DCDC2C: variants seen among roughly 807,000 people sequenced by gnomAD.
DCDC2C encodes the protein doublecortin domain-containing protein 2C.
In DCDC2C, 44 loss-of-function variants were observed where a neutral mutation model predicts 45.0. The ratio of observed to expected loss-of-function variants is 0.98; its 90% CI spans 0.77 to 1.26. The LOEUF (loss-of-function observed/expected upper bound fraction) is 1.26, where lower values mean the gene tolerates loss of function less well. DCDC2C is among the 50% of genes most tolerant of loss of function. The probability of loss-of-function intolerance (pLI) is 0.00; values close to 1 mark genes in which losing one functional copy is unlikely to be tolerated. For synonymous variants in DCDC2C, 187 were observed against 178.8 expected (o/e 1.05, Z -0.37); for missense variants, 447 against 468.9 (o/e 0.95, Z 0.43).
intron 3 of DCDC2C, among the ~76,000 whole-genome samples, chr2:3,733,897 T>C (rs1668946444): frequency 6.6e-6 from 1 of 152,352 alleles, no homozygotes; most frequent in Admixed American, 6.5e-5. Flanking sequence ...GAGCCAGGGC[T>C]GTGGTCCCAA....
At chr2:3,834,895 C>T (rs1003123410) in intron 10 of DCDC2C, among the ~76,000 whole-genome samples, 3 of 152,136 alleles carry the variant, frequency 2.0e-5, no homozygotes, top group Non-Finnish European at 2.9e-5. Context: ...TGCTGAGCAT[C>T]GTATTCATAT....
intron 10 of DCDC2C, among the ~76,000 whole-genome samples, chr2:3,794,577 C>T (rs1291924584): frequency 6.6e-6 from 1 of 151,894 alleles, no homozygotes; most frequent in African/African-American, 2.4e-5. Flanking sequence ...CATGTGTTCT[C>T]ATTGCTCAAT....
At chr2:3,814,654 G>C (rs1301630197) in intron 10 of DCDC2C, among the ~76,000 whole-genome samples, 1 of 152,246 alleles carries the variant, frequency 6.6e-6, no homozygotes, top group Admixed American at 6.5e-5. Flanking sequence ...AGAACTACCA[G>C]AAGGAAATGC....
At chr2:3,724,633 T>G (rs959276108) in intron 2 of DCDC2C, among the ~76,000 whole-genome samples, 2 of 152,140 alleles carry the variant, frequency 1.3e-5, no homozygotes, top group Non-Finnish European at 2.9e-5. Context: ...TCCTGTAACA[T>G]TAATAGGTTA....
intron 10 of DCDC2C, among the ~76,000 whole-genome samples, chr2:3,846,258 C>G (rs1485390312): frequency 2.6e-5 from 4 of 151,666 alleles, no homozygotes; most frequent in African/African-American, 9.7e-5. Flanking sequence ...TCCCCCACTC[C>G]CTTCTTCTCC....
chr2:3,769,264 A>G (rs1451935539), intron 7 of DCDC2C, 47 bp from the exon 8 acceptor site: 1 of 1,522,364 alleles, frequency 6.6e-7, no homozygotes, highest in East Asian at 2.5e-5. Flanking sequence ...AGTGGACTCC[A>G]GCTTCTCCAT....
intron 6 of DCDC2C, among the ~76,000 whole-genome samples, chr2:3,762,295 G>A (rs948551141): frequency 1.3e-5 from 2 of 152,144 alleles, no homozygotes; most frequent in Admixed American, 6.5e-5. Flanking sequence ...GGCTGTGTAA[G>A]TGGAAAACCA....
intron 10 of DCDC2C, among the ~76,000 whole-genome samples, chr2:3,813,848 G>T (rs1671485842): frequency 6.7e-6 from 1 of 150,216 alleles, no homozygotes; most frequent in Non-Finnish European, 1.5e-5. Flanking sequence ...ACATGCTGAT[G>T]AGTCTTGACT....
At chr2:3,733,560 G>A (rs1260323258) in intron 3 of DCDC2C, among the ~76,000 whole-genome samples, 1 of 152,174 alleles carries the variant, frequency 6.6e-6, no homozygotes, top group African/African-American at 2.4e-5. Context: ...TTTGCCCACA[G>A]TTCTGGAGGC....
In DCDC2C at chr2:3,778,808, C is replaced by T. The variant is rs1572610541; in HGVS notation, c.955-8C>T. The T allele has an allele frequency of 1.3e-6, 2 of 1,550,432 alleles. 1 individual carries two copies. The highest frequency in any genetic ancestry group is 3.3e-4 in the Middle Eastern group (2 of 5,996). On this transcript the variant is annotated splice_polypyrimidine_tract_variant and splice_region_variant and intron_variant, in intron 8 of 10. Coordinates refer to ENST00000399143, the MANE Select transcript of DCDC2C (RefSeq NM_001287444.2). ...TAGTTGATAAAATGTGGTGTATTTTCTCCCCAGAGACAAGCTGAGATAGTT... is the reference window on the plus strand; with the variant it reads ...TAGTTGATAAAATGTGGTGTATTTTTTCCCCAGAGACAAGCTGAGATAGTT...
At chr2:3,792,145 G>A (rs750813067) in intron 10 of DCDC2C, among the ~76,000 whole-genome samples, 2 of 152,214 alleles carry the variant, frequency 1.3e-5, no homozygotes, top group Non-Finnish European at 2.9e-5. Context: ...AATTAAAAGT[G>A]TCAGTGTAGG....
At chr2:3,725,543 GAGGAGGCTGCCCGGTGGATCCCAGAGGA>G (rs1223669587) in intron 2 of DCDC2C, among the ~76,000 whole-genome samples, 65 of 136,766 alleles carry the variant, frequency 4.8e-4, no homozygotes, top group South Asian at 1.4e-3. Flanking sequence ...AGCAGAGAGG[GAGGAGGCTGCCCGGTGGATCCCAGAGGA>G]AGACGAGCAG....
At chr2:3,764,532 G>C (rs1177092297) in intron 6 of DCDC2C, among the ~76,000 whole-genome samples, 1 of 152,230 alleles carries the variant, frequency 6.6e-6, no homozygotes, top group African/African-American at 2.4e-5. Context: ...GCATTAGCTG[G>C]AAAGGACAGG....
chr2:3,840,911 C>G (rs1213464147), intron 10 of DCDC2C, among the ~76,000 whole-genome samples: 1 of 152,166 alleles, frequency 6.6e-6, no homozygotes, highest in Non-Finnish European at 1.5e-5. Flanking sequence ...GGCAGCCTTC[C>G]CCATGTGCTC....
chr2:3,827,054 C>G (rs1391170427), intron 10 of DCDC2C, among the ~76,000 whole-genome samples: 1 of 152,090 alleles, frequency 6.6e-6, no homozygotes, highest in Admixed American at 6.6e-5. Context: ...GGAGTCTTGA[C>G]CAAAGGAGAG....
chr2:3,773,504 C>G (rs1263478697), intron 8 of DCDC2C, among the ~76,000 whole-genome samples: 2 of 152,178 alleles, frequency 1.3e-5, no homozygotes, highest in Non-Finnish European at 2.9e-5. Flanking sequence ...AGTCTCGAAT[C>G]ATTTTGCCCC....
At chr2:3,809,421 G>A (rs1671334903) in intron 10 of DCDC2C, among the ~76,000 whole-genome samples, 1 of 152,060 alleles carries the variant, frequency 6.6e-6, no homozygotes, top group Admixed American at 6.5e-5. Flanking sequence ...GTGTTTTGTA[G>A]CATTTAGTAT....
At chr2:3,767,329 C>G (rs1302101870) in intron 6 of DCDC2C, among the ~76,000 whole-genome samples, 3 of 152,256 alleles carry the variant, frequency 2.0e-5, no homozygotes, top group Non-Finnish European at 4.4e-5. Flanking sequence ...CGCTCTCATC[C>G]TGCTCAGAGG....
Position 3,818,650 on chromosome 2 carries a change from T to A in DCDC2C, c.1066-28504T>A, listed in dbSNP as rs1671610776. ...TTTTAAAGCTTGCTGTGGGATGGGATATTGGTGTTCAGTGGGGTAAGGGTG... is the reference window on the plus strand; with the variant it reads ...TTTTAAAGCTTGCTGTGGGATGGGAAATTGGTGTTCAGTGGGGTAAGGGTG... On this transcript the variant is annotated intron_variant, in intron 10 of 10. Transcript: ENST00000399143. This position sits in a 1 kb window ranked among gnomAD's most constrained non-coding sequence, Gnocchi z 4.7. Among the ~76,000 whole-genome samples, 1 of 152,048 alleles carries A rather than the reference T, an allele frequency of 6.6e-6. No individual in the cohort carries two copies. Among genetic ancestry groups the A allele is most frequent in the Non-Finnish European group, 1.5e-5 (1 of 68,006 alleles).
Sources: gnomAD v4.1 joint callset for allele counts (sites outside exome capture counted in the v4.1 genomes callset) on GRCh38, gnomAD v4.1.1 for gene constraint, Gnocchi (gnomAD v3.1) non-coding constraint, MANE v1.5 for transcripts, NCBI Gene and HGNC (gene_info 2026-07-23, HGNC 2026-07-21) for gene names.